The following HOMEZ variants were observed in gnomAD, a reference collection of about 807,000 sequenced individuals.
The protein encoded by HOMEZ is homeobox and leucine zipper protein Homez.
HOMEZ carries 20 observed loss-of-function variants against 50.1 expected under a neutral mutation model. The ratio of observed to expected loss-of-function variants is 0.40; its 90% confidence interval spans 0.28 to 0.58. The LOEUF is 0.58. HOMEZ is among the 20% of genes least tolerant of loss of function. The pLI, the probability that HOMEZ is intolerant of heterozygous loss-of-function variation, is 0.46. For missense variants in HOMEZ, 579 were observed against 680.5 expected, an observed-to-expected ratio of 0.85 and a Z score of 1.66; for synonymous variants, 239 against 254.7, an observed-to-expected ratio of 0.94 and a Z score of 0.59.
chr14:23,285,926 G>A lies in HOMEZ; in HGVS notation c.27C>T (p.Pro9=). 3 of 1,247,144 alleles carry A rather than the reference G, an allele frequency of 2.4e-6. No homozygotes were observed. In the South Asian group the frequency reaches 1.2e-4, roughly 51 times the overall value. 77.3% of individuals were successfully genotyped at this position (1,247,144 alleles called of 1,614,324 possible). A position where few individuals can be genotyped will look rare whatever the true frequency, so the allele number is the denominator to read the frequency against. Residue 9 remains proline (P), a synonymous_variant, in exon 1 of 2, where the codon CCC becomes CCT. Transcript: ENST00000357460. ...GGGATCACTCACCGCAGTCCAGCCC[G>A]GGCGGCGGCTCCCAGCCTCGCACCA... MVRGWEPP[P]GLDCAISEGH...
In HOMEZ at chr14:23,275,845, C is replaced by G; in HGVS notation, c.1383G>C (p.Pro461=). The G allele has an allele frequency of 6.3e-7, 1 of 1,598,772 alleles. No individual in the cohort carries two copies. The highest frequency in any genetic ancestry group is 8.5e-7 in the Non-Finnish European group (1 of 1,171,412). ...TPPLPIPPPP[P]DIQPLERYWA... is the part of the protein sequence containing the mutation. ...AGTACCTCTCCAAGGGTTGTATATC[C>G]GGTGGGGGTGGAGGGATCGGCAGAG... Residue 461 remains proline, a synonymous_variant, in exon 2 of 2, where the codon CCG becomes CCC. Coordinates refer to ENST00000357460, the MANE Select transcript of HOMEZ (RefSeq NM_020834.3).
At chr14:23,284,489 A>G (rs894889651) in intron 1 of HOMEZ, among the ~76,000 whole-genome samples, 12 of 152,234 alleles carry the variant, frequency 7.9e-5, no homozygotes, top group African/African-American at 2.9e-4. Context: ...CATCTGCTTC[A>G]TTCAGTTGTC....
intron 1 of HOMEZ, among the ~76,000 whole-genome samples, chr14:23,280,160 T>C (rs1242691555): frequency 6.6e-6 from 1 of 152,014 alleles, no homozygotes; most frequent in Admixed American, 6.6e-5. Flanking sequence ...ATTTTTTCCA[T>C]CTCTTGGTTG....
Position 23,272,462 on chromosome 14 carries a change from G to GA in HOMEZ, c.*3112dup. On this transcript the variant is annotated 3_prime_UTR_variant, in exon 2 of 2. Transcript: ENST00000357460. ...CAAACAAACAAACAACCGAAAATGT[G>GA]AAAAAATTTTAAAGTTATTGAAGGA... 3.9e-6 allele frequency: 1 copy of GA among 257,694 alleles called. No homozygotes were observed. The highest frequency in any genetic ancestry group is 7.6e-6 in the Non-Finnish European group (1 of 132,006). 16.0% of individuals were successfully genotyped at this position (257,694 alleles called of 1,614,324 possible).
Position 23,276,573 on chromosome 14 carries a change from A to G in HOMEZ, c.655T>C (p.Phe219Leu). The G allele has an allele frequency of 1.9e-6, 3 of 1,613,916 alleles. No individual in the cohort carries two copies. The highest frequency in any genetic ancestry group is 2.5e-6 in the Non-Finnish European group (3 of 1,179,860). Residue 219 changes from phenylalanine (F) to leucine (L), a missense_variant, in exon 2 of 2, where the codon TTT becomes CTT. Phe to Leu is a conservative substitution (Grantham distance 22). Transcript: ENST00000357460. This position sits in a 1 kb window ranked among gnomAD's most constrained non-coding sequence, Gnocchi z 4.1. The stretch of plus-strand genomic sequence containing the variant: ...CCACTGCTTTGAAGATGTTGCCAAA[A>G]ATCTGATTGGTAGGGGAATGCTCCA... ...GSGAFPYQSD[F>L]WQHLQSSGLS...
At position 23,275,723 on chromosome 14, in the gene HOMEZ, CGA is replaced by C. The variant is rs1566448333; in HGVS notation, c.1503_1504del (p.Arg502IlefsTer6). 5 of 1,610,916 alleles carry C rather than the reference CGA, an allele frequency of 3.1e-6. No homozygotes were observed. The highest frequency in any genetic ancestry group is 1.7e-4 in the Middle Eastern group (1 of 6,060). ...TACCACCTCAGCTGGCTGAGGTAAT[CGA>C]GAGTCAAACCAATCCAGCACCTGCT... On this transcript the variant is annotated frameshift_variant, in exon 2 of 2. Coordinates refer to ENST00000357460, the MANE Select transcript of HOMEZ (RefSeq NM_020834.3). LOFTEE classifies it high-confidence loss of function.
chr14:23,275,934 C>A lies in HOMEZ; in HGVS notation c.1294G>T (p.Asp432Tyr). Residue 432 changes from aspartate to tyrosine, a missense_variant, in exon 2 of 2, where the codon GAC becomes TAC. Coordinates refer to ENST00000357460, the MANE Select transcript of HOMEZ (RefSeq NM_020834.3). ...GGTGGTGGTGTAGGAATTGCTGGGT[C>A]TTGGAAACTAGGGGCACCAGGTACT... ...NAVPGAPSFQDPAIPTPPPST... is the reference protein window; with the variant it reads ...NAVPGAPSFQYPAIPTPPPST... 1 of 1,609,280 alleles carries A rather than the reference C, an allele frequency of 6.2e-7. No homozygotes were observed. Among genetic ancestry groups the A allele is most frequent in the South Asian group, 1.1e-5 (1 of 90,314 alleles).
intron 1 of HOMEZ, among the ~76,000 whole-genome samples, chr14:23,278,895 C>T (rs1444200966): frequency 3.3e-5 from 5 of 152,112 alleles, no homozygotes; most frequent in Admixed American, 6.5e-5. Context: ...AGGCTGGTCC[C>T]GAACTCCTGA....
chr14:23,285,674 T>G, intron 1 of HOMEZ: 1 of 393,242 alleles, frequency 2.5e-6, no homozygotes, highest in Non-Finnish European at 4.5e-6. Flanking sequence ...CAGGCGAATC[T>G]CAATCCTACT....
intron 1 of HOMEZ, among the ~76,000 whole-genome samples, chr14:23,279,375 G>A (rs577303121): frequency 1.3e-5 from 2 of 152,274 alleles, no homozygotes; most frequent in Non-Finnish European, 2.9e-5. Context: ...GGCCCCTGCC[G>A]CTGTCATTCC....
chr14:23,283,545 G>A (rs1027970598), intron 1 of HOMEZ, among the ~76,000 whole-genome samples: 6 of 152,130 alleles, frequency 3.9e-5, no homozygotes, highest in African/African-American at 1.4e-4. Flanking sequence ...GGAAAAAGAG[G>A]ACTCTAGAAC....
At chr14:23,284,116 G>C (rs1000810161) in intron 1 of HOMEZ, among the ~76,000 whole-genome samples, 11 of 152,264 alleles carry the variant, frequency 7.2e-5, no homozygotes, top group Non-Finnish European at 1.3e-4. Context: ...AGAAAGTTAT[G>C]ACTAACCTTC....
chr14:23,277,793 G>A (rs1200913356), intron 1 of HOMEZ, among the ~76,000 whole-genome samples: 1 of 151,042 alleles, frequency 6.6e-6, no homozygotes, highest in Non-Finnish European at 1.5e-5. Context: ...AACTGATCCT[G>A]ATATAGCTTT....
At chr14:23,284,250 A>C (rs145895734) in intron 1 of HOMEZ, among the ~76,000 whole-genome samples, 1 of 152,376 alleles carries the variant, frequency 6.6e-6, no homozygotes, top group East Asian at 1.9e-4. Flanking sequence ...TAATCACTTA[A>C]AGATGAACAG....
Position 23,276,282 on chromosome 14 carries a change from C to T in HOMEZ, c.946G>A (p.Val316Met). ...GGTAATGCCTGTTCACTGGGTGACA[C>T]TGACTGTGGGACACAGCCTAGTGGC... is the stretch of plus-strand genomic sequence containing the variant. ...LQPLGCVPQS[V>M]SPSEQALPPH... The change falls in exon 2 of 2, where the codon GTG becomes ATG. Residue 316 changes from valine (V) to methionine (M), a missense_variant. Val to Met is a conservative substitution (Grantham distance 21). Transcript: ENST00000357460. The surrounding 1 kb of genome is among the most constrained non-coding windows in gnomAD (Gnocchi z 4.1). 1.2e-6 allele frequency: 2 copies of T among 1,613,898 alleles called. No homozygotes were observed.
In HOMEZ at chr14:23,276,330, T is replaced by C. The variant is rs1886356004; in HGVS notation, c.898A>G (p.Thr300Ala). Residue 300 changes from threonine (T) to alanine (A), a missense_variant, in exon 2 of 2, where the codon ACT becomes GCT. By Grantham distance (58) the Thr-to-Ala change is moderately conservative (BLOSUM62 0). Coordinates refer to ENST00000357460, the MANE Select transcript of HOMEZ (RefSeq NM_020834.3). The surrounding 1 kb of genome is among the most constrained non-coding windows in gnomAD (Gnocchi z 4.1). Reference sequence around the variant, plus strand: ...GGCTGGAGGGGTTTAGAGGCGGCAGTAGCTCCATTAGCCAGTACCTGGAAA... The same window carrying C: ...GGCTGGAGGGGTTTAGAGGCGGCAGCAGCTCCATTAGCCAGTACCTGGAAA... ...SSFQVLANGATAASKPLQPLG... is the reference protein window; with the variant it reads ...SSFQVLANGAAAASKPLQPLG... The C allele has an allele frequency of 6.2e-7, 1 of 1,613,724 alleles. No individual in the cohort carries two copies. Among genetic ancestry groups the C allele is most frequent in the Admixed American group, 1.7e-5 (1 of 59,964 alleles).
At chr14:23,277,989 C>T (rs536868372) in intron 1 of HOMEZ, among the ~76,000 whole-genome samples, 5 of 151,966 alleles carry the variant, frequency 3.3e-5, no homozygotes, top group Non-Finnish European at 4.4e-5. Context: ...CCACCACGCC[C>T]GGCTACTTTT....
intron 1 of HOMEZ, among the ~76,000 whole-genome samples, chr14:23,283,558 T>C (rs1886601221): frequency 6.6e-6 from 1 of 152,116 alleles, no homozygotes; most frequent in South Asian, 2.1e-4. Context: ...TCTAGAACTT[T>C]AGGTTTGAAC....
intron 1 of HOMEZ, among the ~76,000 whole-genome samples, chr14:23,283,988 G>A (rs1175591127): frequency 6.6e-6 from 1 of 152,188 alleles, no homozygotes; most frequent in Non-Finnish European, 1.5e-5. Flanking sequence ...CTCCTGAAAT[G>A]TGTTTGGGGA....
Sources: gnomAD v4.1 joint callset for allele counts (sites outside exome capture counted in the v4.1 genomes callset) on GRCh38, gnomAD v4.1.1 for gene constraint, Gnocchi (gnomAD v3.1) non-coding constraint, MANE v1.5 for transcripts, NCBI Gene and HGNC (gene_info 2026-07-23, HGNC 2026-07-21) for gene names.